The following TIAM1 variants were observed in gnomAD, a reference collection of about 807,000 sequenced individuals.
TIAM1 encodes rho guanine nucleotide exchange factor TIAM1.
TIAM1 carries 65 observed loss-of-function variants against 163.5 expected under a neutral mutation model. That is an observed-to-expected ratio of 0.40 (90% CI 0.33 to 0.49). The LOEUF (loss-of-function observed/expected upper bound fraction) is 0.49. Among genes scored for constraint, TIAM1 ranks in the 20% least tolerant of loss-of-function variants. TIAM1 has a pLI of 0.77. For synonymous variants in TIAM1, 833 were observed against 810.1 expected, an observed-to-expected ratio of 1.03 and a Z score of -0.48; for missense variants, 1,789 against 2,044.7, an observed-to-expected ratio of 0.87 and a Z score of 2.41.
intron 2 of TIAM1, chr21:31,453,060 G>C: frequency 2.4e-6 from 1 of 410,490 alleles, no homozygotes; most frequent in South Asian, 2.1e-5. Flanking sequence ...AATGTATCTG[G>C]GAGATATATT....
intron 2 of TIAM1, among the ~76,000 whole-genome samples, chr21:31,390,518 G>A (rs566677703): frequency 2.6e-5 from 4 of 152,086 alleles, no homozygotes; most frequent in African/African-American, 7.2e-5. Flanking sequence ...AAGAATGCAG[G>A]AGCACCTATA....
intron 2 of TIAM1, among the ~76,000 whole-genome samples, chr21:31,304,439 T>C (rs147256815): frequency 2.2e-3 from 329 of 152,330 alleles, no homozygotes; most frequent in African/African-American, 7.3e-3. Flanking sequence ...CATTGGAAGC[T>C]ATCAGGAAAA....
intron 2 of TIAM1, among the ~76,000 whole-genome samples, chr21:31,382,648 G>A (rs748106715): frequency 6.6e-6 from 1 of 152,136 alleles, no homozygotes; most frequent in African/African-American, 2.4e-5. Context: ...AAGTACCTAT[G>A]CTTTTTCTTT....
intron 12 of TIAM1, 28 bp downstream of exon 12, chr21:31,202,880 T>C (rs2086273163): frequency 6.3e-7 from 1 of 1,578,042 alleles, no homozygotes. Flanking sequence ...TCCCATAAAG[T>C]GTGCTTGGAC....
At chr21:31,249,217 C>T (rs1404838179) in intron 5 of TIAM1, among the ~76,000 whole-genome samples, 2 of 151,992 alleles carry the variant, frequency 1.3e-5, no homozygotes, top group African/African-American at 4.8e-5. Flanking sequence ...ATAAATGGTG[C>T]CATTATAAGA....
intron 1 of TIAM1, among the ~76,000 whole-genome samples, chr21:31,513,000 G>A (rs2047264483): frequency 6.6e-6 from 1 of 152,098 alleles, no homozygotes; most frequent in Non-Finnish European, 1.5e-5. Flanking sequence ...TAAACAATAT[G>A]AGACTGGACA....
At chr21:31,314,365 T>C (rs2075034336) in intron 2 of TIAM1, among the ~76,000 whole-genome samples, 1 of 152,166 alleles carries the variant, frequency 6.6e-6, no homozygotes, top group South Asian at 2.1e-4. Flanking sequence ...TAGGATATAT[T>C]ATATAAAATG....
chr21:31,514,124 C>T (rs980232952), intron 1 of TIAM1, among the ~76,000 whole-genome samples: 2 of 152,152 alleles, frequency 1.3e-5, no homozygotes, highest in African/African-American at 4.8e-5. Context: ...ATCCTCCTGC[C>T]TCATCCCACC....
chr21:31,133,683 A>G (rs2082505164), intron 23 of TIAM1, among the ~76,000 whole-genome samples: 1 of 152,196 alleles, frequency 6.6e-6, no homozygotes, highest in African/African-American at 2.4e-5. Context: ...CAGCCATCTC[A>G]TTCATTTACA....
At chr21:31,179,527 G>A (rs539768804) in intron 15 of TIAM1, among the ~76,000 whole-genome samples, 5 of 149,294 alleles carry the variant, frequency 3.3e-5, no homozygotes, top group African/African-American at 1.0e-4. Flanking sequence ...TATCAGCTCC[G>A]AGTTATGGCC....
At chr21:31,439,282 C>A (rs190298228) in intron 2 of TIAM1, among the ~76,000 whole-genome samples, 141 of 152,242 alleles carry the variant, frequency 9.3e-4, no homozygotes, top group African/African-American at 3.2e-3. Context: ...GCATTGTATT[C>A]TTTGTTTTTG....
At chr21:31,425,318 A>T (rs1336411991) in intron 2 of TIAM1, among the ~76,000 whole-genome samples, 1 of 152,090 alleles carries the variant, frequency 6.6e-6, no homozygotes, top group Non-Finnish European at 1.5e-5. Context: ...AATTTTAACA[A>T]ATCTCAGCAG....
chr21:31,451,698 T>TCTGGGAGAAACTTAGTACCAGACA (rs140594128), intron 2 of TIAM1, among the ~76,000 whole-genome samples: 1 of 149,720 alleles, frequency 6.7e-6, no homozygotes, highest in African/African-American at 2.5e-5. Context: ...GGCACCAGGC[T>TCTGGGAGAAACTTAGTACCAGACA]GAGTGAAAGC....
intron 2 of TIAM1, among the ~76,000 whole-genome samples, chr21:31,285,277 G>A (rs555807282): frequency 6.1e-4 from 93 of 152,224 alleles, no homozygotes; most frequent in African/African-American, 1.9e-3. Context: ...TGGGGGGGGC[G>A]GTGAGGCCAT....
intron 1 of TIAM1, among the ~76,000 whole-genome samples, chr21:31,508,195 TCGAGCCTC>T (rs2147464886): frequency 6.6e-6 from 1 of 152,222 alleles, no homozygotes; most frequent in South Asian, 2.1e-4. Context: ...GTCGTGGACT[TCGAGCCTC>T]CTGAACTGTG....
chr21:31,331,243 G>A (rs1427190254), intron 2 of TIAM1, among the ~76,000 whole-genome samples: 1 of 152,150 alleles, frequency 6.6e-6, no homozygotes, highest in Non-Finnish European at 1.5e-5. Flanking sequence ...AATTATGAAA[G>A]TAAGCATCCA....
intron 2 of TIAM1, among the ~76,000 whole-genome samples, chr21:31,292,599 G>T (rs860126): frequency 1.3e-5 from 2 of 149,622 alleles, no homozygotes; most frequent in Admixed American, 6.6e-5. Flanking sequence ...CAAACTCCTG[G>T]CCTCAAGTGA....
intron 13 of TIAM1, among the ~76,000 whole-genome samples, chr21:31,187,395 C>G (rs1182000187): frequency 6.6e-6 from 1 of 152,142 alleles, no homozygotes; most frequent in Non-Finnish European, 1.5e-5. Context: ...TTTCCATACT[C>G]TCCTCCAAAG....
intron 1 of TIAM1, among the ~76,000 whole-genome samples, chr21:31,541,298 A>C (rs1250460140): frequency 6.6e-6 from 1 of 152,058 alleles, no homozygotes; most frequent in African/African-American, 2.4e-5. Context: ...CTCTACAAAA[A>C]ATACAAAAGT....
Sources: allele counts gnomAD v4.1 joint callset (sites outside exome capture counted in the v4.1 genomes callset), GRCh38; gene constraint gnomAD v4.1.1; transcripts MANE v1.5; gene names NCBI Gene and HGNC (gene_info 2026-07-23, HGNC 2026-07-21).